The following MYBPC2 variants were observed in gnomAD, a reference collection of about 807,000 sequenced individuals.
The protein encoded by MYBPC2 is myosin-binding protein C, fast-type.
Under a neutral mutation model 137.0 loss-of-function variants are expected in MYBPC2, and 122 were observed. The observed-to-expected ratio is 0.89, with a 90% CI of 0.77 to 1.03. MYBPC2 has a LOEUF of 1.03. Ranked by LOEUF, MYBPC2 falls within the 50% of genes least tolerant of loss-of-function variation. The probability of loss-of-function intolerance (pLI) is 0.00; values close to 1 mark genes in which losing one functional copy is unlikely to be tolerated. For missense variants in MYBPC2, 1,500 were observed against 1,534.4 expected (o/e 0.98, Z 0.37); for synonymous variants, 626 against 612.3 (o/e 1.02, Z -0.33).
chr19:50,446,039 G>A lies in MYBPC2; in HGVS notation c.1293G>A (p.Glu431=). Residue 431 remains glutamate, a synonymous_variant, in exon 12 of 28, where the codon GAG becomes GAA. Coordinates refer to ENST00000357701, the MANE Select transcript of MYBPC2 (RefSeq NM_004533.4). ...CCAATGGCGGCCAGTGTGAGGCCGA[G>A]CTGATTGTGGAAGGTATGGGGCCTC... ...VITNGGQCEA[E]LIVEEKQLEV... is the part of the protein sequence containing the mutation. 6.2e-7 allele frequency: 1 copy of A among 1,612,912 alleles called. No individual in the cohort carries two copies. Among genetic ancestry groups the A allele is most frequent in the Non-Finnish European group, 8.5e-7 (1 of 1,179,508 alleles).
intron 23 of MYBPC2, 71 bp from the exon 24 acceptor site, chr19:50,459,969 A>AGAGGG (rs2039956441): frequency 1.3e-6 from 2 of 1,499,744 alleles, no homozygotes; most frequent in Non-Finnish European, 1.8e-6. Flanking sequence ...GGGGGTGTGG[A>AGAGGG]GAGGGGAGGG....
At chr19:50,445,799 G>A (rs2039798389) in intron 11 of MYBPC2, 81 bp from the exon 12 acceptor site, 1 of 1,390,560 alleles carries the variant, frequency 7.2e-7, no homozygotes, top group Non-Finnish European at 9.8e-7. Flanking sequence ...CCCTCTGCAT[G>A]GGCCCCCGAC....
Position 50,445,736 on chromosome 19 carries a change from A to G in MYBPC2, c.1134-144A>G, listed in dbSNP as rs940006687. The stretch of plus-strand genomic sequence containing the variant: ...TGACCTGTGACCCGTCCACCACTCA[A>G]GATGCCTCTGCCACTCATTATGTCT... On this transcript the variant is annotated intron_variant, in intron 11 of 27. Transcript: ENST00000357701. 15 of 797,690 alleles carry G rather than the reference A, an allele frequency of 1.9e-5. No homozygotes were observed. In the African/African-American group the frequency reaches 1.9e-4, roughly 10 times the overall value. 49.4% of individuals were successfully genotyped at this position (797,690 alleles called of 1,614,324 possible).
intron 12 of MYBPC2, among the ~76,000 whole-genome samples, chr19:50,447,037 C>T (rs1230004438): frequency 6.6e-6 from 1 of 151,842 alleles, no homozygotes; most frequent in Non-Finnish European, 1.5e-5. Context: ...CCTGTTGCTG[C>T]CCCCGCCTGG....
chr19:50,441,000 C>G lies in MYBPC2; in HGVS notation c.693C>G (p.Phe231Leu), dbSNP rs1472766008. The G allele has an allele frequency of 6.2e-7, 1 of 1,612,692 alleles. No homozygotes were observed. Among genetic ancestry groups the G allele is most frequent in the Non-Finnish European group, 8.5e-7 (1 of 1,179,316 alleles). ...AKKSEYEKIA[F>L]QYGITDLRGM... ...AGAGCGAGTACGAGAAAATCGCCTTCCAGTATGGCATCACCGACCTCCGGG... is the reference window on the plus strand; with the variant it reads ...AGAGCGAGTACGAGAAAATCGCCTTGCAGTATGGCATCACCGACCTCCGGG... The change falls in exon 8 of 28, where the codon TTC (phenylalanine) becomes TTG (leucine). Residue 231 changes from phenylalanine to leucine, a missense_variant. Transcript: ENST00000357701.
intron 9 of MYBPC2, among the ~76,000 whole-genome samples, chr19:50,442,705 C>G (rs1230211473): frequency 6.6e-6 from 1 of 151,994 alleles, no homozygotes; most frequent in Non-Finnish European, 1.5e-5. Flanking sequence ...GCACTCCAGC[C>G]TGGGCGACAG....
rs569293426 is a variant in MYBPC2 at position 50,454,358 on chromosome 19, A to G, written c.2003A>G (p.Lys668Arg). ...VWEPPMYDGG[K>R]PVTGYLVERK... ...GAGCCACCAATGTACGATGGGGGGA[A>G]GCCAGTCACCGGTGAGTGCCTCTGT... is the stretch of plus-strand genomic sequence containing the variant. The change falls in exon 18 of 28, where the codon AAG (lysine) becomes AGG (arginine). Residue 668 changes from lysine (K) to arginine (R), a missense_variant. Transcript: ENST00000357701. 1.9e-6 allele frequency: 3 copies of G among 1,608,696 alleles called. No individual in the cohort carries two copies. The highest frequency in any genetic ancestry group is 2.5e-6 in the Non-Finnish European group (3 of 1,177,158).
rs1202281842 is a variant in MYBPC2 at position 50,465,739 on chromosome 19, G to A, written c.3416-456G>A. On this transcript the variant is annotated intron_variant, in intron 27 of 27. Coordinates refer to ENST00000357701, the MANE Select transcript of MYBPC2 (RefSeq NM_004533.4). The surrounding 1 kb of genome is among the most constrained non-coding windows in gnomAD (Gnocchi z 4.5). ...ACATGCCTGTTGTCCCAGCTACCTGGGGGGCTGGGGCAGGAGGATCACTTG... is the reference window on the plus strand; with the variant it reads ...ACATGCCTGTTGTCCCAGCTACCTGAGGGGCTGGGGCAGGAGGATCACTTG... Among the ~76,000 whole-genome samples, 2 of 152,128 alleles carry A rather than the reference G, an allele frequency of 1.3e-5. No homozygotes were observed. Among genetic ancestry groups the A allele is most frequent in the Non-Finnish European group, 2.9e-5 (2 of 68,022 alleles).
chr19:50,460,192 A>G lies in MYBPC2; in HGVS notation c.2931+13A>G. The G allele has an allele frequency of 6.3e-7, 1 of 1,596,942 alleles. No individual in the cohort carries two copies. Among genetic ancestry groups the G allele is most frequent in the Non-Finnish European group, 8.5e-7 (1 of 1,171,128 alleles). On this transcript the variant is annotated intron_variant, in intron 24 of 27. Coordinates refer to ENST00000357701, the MANE Select transcript of MYBPC2 (RefSeq NM_004533.4). ...CAAAAAAACCATGGTGAGAGAGCAGAGGGGGAGATGGGGAAGAGCCGGTGA... is the reference window on the plus strand; with the variant it reads ...CAAAAAAACCATGGTGAGAGAGCAGGGGGGGAGATGGGGAAGAGCCGGTGA...
Position 50,454,137 on chromosome 19 carries a change from C to A in MYBPC2, c.1867C>A (p.Pro623Thr), listed in dbSNP as rs764430761. Residue 623 changes from proline to threonine, a missense_variant, in exon 17 of 28, where the codon CCC becomes ACC. Pro to Thr is a conservative substitution (Grantham distance 38, BLOSUM62 -1). Coordinates refer to ENST00000357701, the MANE Select transcript of MYBPC2 (RefSeq NM_004533.4). Reference sequence around the variant, plus strand: ...CCGCTACACCATCAAGGTCACCAACCCCGTCGGCGAGGACGTGGCTTCCAT... The same window carrying A: ...CCGCTACACCATCAAGGTCACCAACACCGTCGGCGAGGACGTGGCTTCCAT... ...EGRYTIKVTN[P>T]VGEDVASIFL... is the part of the protein sequence containing the mutation. The A allele has an allele frequency of 1.7e-5, 28 of 1,613,470 alleles. No homozygotes were observed. The highest frequency in any genetic ancestry group is 2.3e-5 in the Non-Finnish European group (27 of 1,179,782).
At chr19:50,440,488 AC>A (rs2039741326) in intron 7 of MYBPC2, among the ~76,000 whole-genome samples, 1 of 151,754 alleles carries the variant, frequency 6.6e-6, no homozygotes, top group African/African-American at 2.4e-5. Flanking sequence ...ACATGGCAAA[AC>A]CCTGTTTCTA....
rs1452442464 is a variant in MYBPC2 at position 50,455,062 on chromosome 19, C to A, written c.2015-46C>A. 4.5e-6 allele frequency: 7 copies of A among 1,541,964 alleles called. No individual in the cohort carries two copies. In the South Asian group the frequency reaches 8.3e-5, roughly 18 times the overall value. On this transcript the variant is annotated intron_variant, in intron 18 of 27. Transcript: ENST00000357701. The stretch of plus-strand genomic sequence containing the variant: ...CTCACTCCCCCAGCTGACTCATGCC[C>A]CATGCCCTCCCGTTCCCTCTTCTCC...
intron 17 of MYBPC2, 36 bp from the exon 18 acceptor site, chr19:50,454,229 C>T: frequency 2.5e-6 from 4 of 1,613,788 alleles, no homozygotes; most frequent in South Asian, 1.1e-5. Flanking sequence ...CTCCCTGAGG[C>T]CTCGAGGGGC....
At position 50,461,965 on chromosome 19, in the gene MYBPC2, C is replaced by G. The variant is rs1169329160; in HGVS notation, c.3157C>G (p.Pro1053Ala). The G allele has an allele frequency of 1.9e-6, 3 of 1,586,370 alleles. No individual in the cohort carries two copies. Among genetic ancestry groups the G allele is most frequent in the Non-Finnish European group, 2.6e-6 (3 of 1,165,910 alleles). ...CCGGATGGCTCCCAAGTTCCTGACA[C>G]CTCTCATAGACCGCGTGGTCGTGGC... ...DFRMAPKFLT[P>A]LIDRVVVAGY... Residue 1053 changes from proline to alanine, a missense_variant, in exon 26 of 28, where the codon CCT (proline) becomes GCT (alanine). Transcript: ENST00000357701.
In MYBPC2 at chr19:50,459,224, C is replaced by T. The variant is rs913261966; in HGVS notation, c.2709C>T (p.Ala903=). 6 of 1,611,328 alleles carry T rather than the reference C, an allele frequency of 3.7e-6. No homozygotes were observed. Among genetic ancestry groups the T allele is most frequent in the Admixed American group, 1.7e-5 (1 of 59,938 alleles). ...FDTVFFVRQA[A]RSDSGEYELS... ...CCGTGTTCTTCGTGCGCCAGGCGGC[C>T]CGCTCCGACTCCGGGGAGTACGAGC... Residue 903 remains alanine (A), a synonymous_variant, in exon 23 of 28, where the codon GCC becomes GCT. Transcript: ENST00000357701.
intron 12 of MYBPC2, among the ~76,000 whole-genome samples, chr19:50,447,235 C>T (rs1222927673): frequency 1.3e-5 from 2 of 151,996 alleles, no homozygotes; most frequent in Admixed American, 6.6e-5. Context: ...ATGTCAGTGT[C>T]CTGGTTTGGA....
In MYBPC2 at chr19:50,459,261, A is replaced by T. The variant is rs368175142; in HGVS notation, c.2746A>T (p.Ile916Phe). 2.2e-5 allele frequency: 36 copies of T among 1,610,568 alleles called. No homozygotes were observed. Among genetic ancestry groups the T allele is most frequent in the Non-Finnish European group, 2.1e-5 (25 of 1,179,230 alleles). ...DSGEYELSVQ[I>F]ENMKDTATIR... ...CGGGGAGTACGAGCTGAGCGTGCAG[A>T]TCGAGAACATGAAGGACACCGCCAC... Residue 916 changes from isoleucine (I) to phenylalanine (F), a missense_variant, in exon 23 of 28, where the codon ATC becomes TTC. Transcript: ENST00000357701.
Position 50,435,831 on chromosome 19 carries a change from G to A in MYBPC2, c.165G>A (p.Leu55=). Residue 55 remains leucine (L), a synonymous_variant, in exon 3 of 28, where the codon CTG becomes CTA. Coordinates refer to ENST00000357701, the MANE Select transcript of MYBPC2 (RefSeq NM_004533.4). The surrounding 1 kb of genome is among the most constrained non-coding windows in gnomAD (Gnocchi z 4.8). The part of the protein sequence containing the change: ...PTAEEPTGVF[L]KKPDSVSVET... ...CAGAGGAGCCCACCGGCGTTTTCCT[G>A]AAGAAGCCGGACTCCGTCTCAGTGG... 6.2e-7 allele frequency: 1 copy of A among 1,606,938 alleles called. No individual in the cohort carries two copies. Among genetic ancestry groups the A allele is most frequent in the South Asian group, 1.1e-5 (1 of 89,440 alleles).
intron 26 of MYBPC2, 126 bp downstream of exon 26, chr19:50,462,162 C>G: frequency 7.6e-7 from 1 of 1,313,196 alleles, no homozygotes. Context: ...GATTTAGTCA[C>G]TTAAAAAATT....
Sources: gnomAD v4.1 joint callset for allele counts (sites outside exome capture counted in the v4.1 genomes callset) on GRCh38, gnomAD v4.1.1 for gene constraint, Gnocchi (gnomAD v3.1) non-coding constraint, MANE v1.5 for transcripts, NCBI Gene and HGNC (gene_info 2026-07-23, HGNC 2026-07-21) for gene names.